Variants in RSRC1 observed in about 807,000 individuals in gnomAD.
RSRC1 encodes arginine and serine rich coiled-coil 1, also known as serine/Arginine-related protein 53.
A neutral mutation model predicts 49.1 loss-of-function variants in RSRC1; 39 were observed. The ratio of observed to expected loss-of-function variants is 0.79; its 90% CI spans 0.61 to 1.04. RSRC1 has a LOEUF of 1.04. RSRC1 is among the 50% of genes least tolerant of loss of function. The probability of loss-of-function intolerance (pLI) is 0.00; values close to 1 mark genes in which losing one functional copy is unlikely to be tolerated. For synonymous variants in RSRC1, 143 were observed against 130.8 expected, an observed-to-expected ratio of 1.09 and a Z score of -0.63; for missense variants, 388 against 402.4, an observed-to-expected ratio of 0.96 and a Z score of 0.31.
At chr3:158,245,053 T>C (rs1723812039) in intron 4 of RSRC1, among the ~76,000 whole-genome samples, 1 of 149,774 alleles carries the variant, frequency 6.7e-6, no homozygotes, top group South Asian at 2.1e-4. Context: ...ATTCTGATCT[T>C]GGTTATTTCT....
At chr3:158,111,725 A>C (rs981442105) in intron 1 of RSRC1, among the ~76,000 whole-genome samples, 3 of 152,254 alleles carry the variant, frequency 2.0e-5, no homozygotes, top group Non-Finnish European at 4.4e-5. Flanking sequence ...CCATGTGTCC[A>C]GAATCAAGAA....
intron 6 of RSRC1, among the ~76,000 whole-genome samples, chr3:158,413,498 TTAAAC>T (rs1237559367): frequency 6.6e-6 from 1 of 152,088 alleles, no homozygotes; most frequent in African/African-American, 2.4e-5. Flanking sequence ...TGGGATCTAA[TTAAAC>T]TAAAGAGCTT....
chr3:158,210,936 G>A (rs983515469), intron 4 of RSRC1, among the ~76,000 whole-genome samples: 14 of 152,008 alleles, frequency 9.2e-5, no homozygotes, highest in Non-Finnish European at 1.9e-4. Flanking sequence ...TGAATTGTAG[G>A]TTCATTCTCT....
At position 158,122,299 on chromosome 3, in the gene RSRC1, G is replaced by A. The variant is rs746219497; in HGVS notation, c.194+1G>A. 1.9e-6 allele frequency: 3 copies of A among 1,548,434 alleles called. No individual in the cohort carries two copies. The highest frequency in any genetic ancestry group is 2.6e-6 in the Non-Finnish European group (3 of 1,149,758). On this transcript the variant is annotated splice_donor_variant, in intron 2 of 9. Coordinates refer to ENST00000611884, the MANE Select transcript of RSRC1 (RefSeq NM_001271838.2). LOFTEE classifies it high-confidence loss of function. ...CTCGTTCACATTCTTATGATAGAAGGTGATTTTTGTAATTTTTATTTATAT... is the reference window on the plus strand; with the variant it reads ...CTCGTTCACATTCTTATGATAGAAGATGATTTTTGTAATTTTTATTTATAT...
At position 158,544,273 on chromosome 3, in the gene RSRC1, TA is replaced by T; in HGVS notation, c.1005del (p.Ter335=). On this transcript the variant is annotated frameshift_variant and stop_lost, in exon 10 of 10. Transcript: ENST00000611884. LOFTEE classifies it high-confidence loss of function. ...AAGACTAATGGGCAGTCCTGTGGCC[TA>T]AGTAATATACATATAGTTGGATTGG... ...QERLMGSPVA[*>X] 1 of 1,587,644 alleles carries T rather than the reference TA, an allele frequency of 6.3e-7. No individual in the cohort carries two copies. The highest frequency in any genetic ancestry group is 8.6e-7 in the Non-Finnish European group (1 of 1,157,848).
chr3:158,217,836 CAT>C (rs1722035376), intron 4 of RSRC1, among the ~76,000 whole-genome samples: 1 of 150,816 alleles, frequency 6.6e-6, no homozygotes, highest in Non-Finnish European at 1.5e-5. Context: ...AAGCATAAGA[CAT>C]GTGTAGTGCT....
Position 158,133,617 on chromosome 3 carries a change from A to G in RSRC1, c.320+9626A>G, listed in dbSNP as rs569105733. Among the ~76,000 whole-genome samples the G allele has an allele frequency of 3.3e-5, 5 of 152,348 alleles. No homozygotes were observed. The East Asian group carries it at 7.7e-4, about 23-fold the overall frequency. ...TAATTCGTCTGTGAAATGCAGGCAT[A>G]TCTTCAGTAGAAAAATTGAAAGCAA... is the stretch of plus-strand genomic sequence containing the variant. On this transcript the variant is annotated intron_variant, in intron 3 of 9. Transcript: ENST00000611884.
intron 5 of RSRC1, among the ~76,000 whole-genome samples, chr3:158,298,624 T>C (rs1727367407): frequency 6.6e-6 from 1 of 152,128 alleles, no homozygotes; most frequent in Non-Finnish European, 1.5e-5. Flanking sequence ...TTCAAACTGA[T>C]TTAGCATTAA....
chr3:158,208,917 C>T (rs1423448534), intron 4 of RSRC1, among the ~76,000 whole-genome samples: 1 of 152,110 alleles, frequency 6.6e-6, no homozygotes, highest in East Asian at 1.9e-4. Flanking sequence ...ACCTTCTTTA[C>T]CTACATCTTG....
At chr3:158,399,580 AATTG>A (rs1404171025) in intron 6 of RSRC1, among the ~76,000 whole-genome samples, 1 of 152,164 alleles carries the variant, frequency 6.6e-6, no homozygotes, top group African/African-American at 2.4e-5. Context: ...TTTAAATTTA[AATTG>A]ATTACAGTAA....
intron 5 of RSRC1, among the ~76,000 whole-genome samples, chr3:158,349,594 T>G (rs1730746995): frequency 6.6e-6 from 1 of 152,056 alleles, no homozygotes. Context: ...TATGGTACAG[T>G]ATCTGTACTG....
intron 4 of RSRC1, among the ~76,000 whole-genome samples, chr3:158,238,666 G>T (rs1039685546): frequency 1.4e-4 from 21 of 152,202 alleles, no homozygotes; most frequent in Admixed American, 2.6e-4. Flanking sequence ...CTAGCCATAT[G>T]TAGAAAGCTG....
At chr3:158,487,084 C>T (rs1471576781) in intron 7 of RSRC1, among the ~76,000 whole-genome samples, 2 of 152,150 alleles carry the variant, frequency 1.3e-5, no homozygotes, top group African/African-American at 2.4e-5. Context: ...GCCCAAGAAC[C>T]TGTGTATGTT....
chr3:158,138,647 A>G (rs1171583431), intron 3 of RSRC1, among the ~76,000 whole-genome samples: 1 of 152,022 alleles, frequency 6.6e-6, no homozygotes, highest in Non-Finnish European at 1.5e-5. Context: ...TTTCCTTTTT[A>G]TTTTTTCTCT....
intron 7 of RSRC1, among the ~76,000 whole-genome samples, chr3:158,474,905 G>A (rs891396885): frequency 2.0e-5 from 3 of 147,940 alleles, no homozygotes; most frequent in Non-Finnish European, 4.5e-5. Flanking sequence ...TATCACAGTC[G>A]TTGTTTTGGA....
At chr3:158,437,383 A>AT (rs1736108335) in intron 6 of RSRC1, among the ~76,000 whole-genome samples, 1 of 152,062 alleles carries the variant, frequency 6.6e-6, no homozygotes, top group African/African-American at 2.4e-5. Flanking sequence ...GCAAATGTGA[A>AT]TAAGAAACAA....
chr3:158,530,465 A>G (rs1291316233), intron 7 of RSRC1, among the ~76,000 whole-genome samples: 1 of 151,676 alleles, frequency 6.6e-6, no homozygotes, highest in East Asian at 1.9e-4. Flanking sequence ...CCTTGATATT[A>G]TATTATTTAC....
intron 4 of RSRC1, among the ~76,000 whole-genome samples, chr3:158,274,093 T>C (rs1345721890): frequency 1.3e-5 from 2 of 152,142 alleles, no homozygotes; most frequent in Non-Finnish European, 2.9e-5. Context: ...TGTTTATGTA[T>C]TTTAAGAATT....
rs370596701 is a variant in RSRC1, at chr3:158,515,504, C to T, written c.653-21588C>T. 4.2e-4 allele frequency among the ~76,000 whole-genome samples: 57 copies of T among 136,574 alleles called. 1 individual carries two copies. In the South Asian group the frequency reaches 9.1e-3, roughly 22 times the overall value. The allele number at this position is 136,574 out of a possible 152,430, so 89.6% of individuals were successfully genotyped here. Reference sequence around the variant, plus strand: ...GATGGGCTTCCCTTTGAGGGTAACCCGACCTTTCTCTCTGGCTGCCCTTAA... The same window carrying T: ...GATGGGCTTCCCTTTGAGGGTAACCTGACCTTTCTCTCTGGCTGCCCTTAA... On this transcript the variant is annotated intron_variant, in intron 7 of 9. Coordinates refer to ENST00000611884, the MANE Select transcript of RSRC1 (RefSeq NM_001271838.2).
Sources: gnomAD v4.1 joint callset for allele counts (sites outside exome capture counted in the v4.1 genomes callset) on GRCh38, gnomAD v4.1.1 for gene constraint, MANE v1.5 for transcripts, NCBI Gene and HGNC (gene_info 2026-07-23, HGNC 2026-07-21) for gene names.